The following ARSG variants were observed in gnomAD, a reference collection of about 807,000 sequenced individuals.
The protein encoded by ARSG is ASG.
ARSG carries 37 observed loss-of-function variants against 50.5 expected under a neutral mutation model. That is an observed-to-expected ratio of 0.73 (90% CI 0.56 to 0.96). The LOEUF (loss-of-function observed/expected upper bound fraction) is 0.96, where lower values mean the gene tolerates loss of function less well. Among genes scored for constraint, ARSG ranks in the 50% least tolerant of loss-of-function variants. ARSG has a pLI of 0.00. For missense variants in ARSG, 629 were observed against 675.3 expected (o/e 0.93, Z 0.76); for synonymous variants, 225 against 254.6 (o/e 0.88, Z 1.11).
At chr17:68,295,501 C>T (rs959328554) in intron 1 of ARSG, among the ~76,000 whole-genome samples, 1 of 151,664 alleles carries the variant, frequency 6.6e-6, no homozygotes, top group Non-Finnish European at 1.5e-5. Flanking sequence ...AACATAGCCT[C>T]CGGGAGGCTT....
intron 4 of ARSG, among the ~76,000 whole-genome samples, chr17:68,350,899 T>G (rs979172736): frequency 6.6e-6 from 1 of 151,758 alleles, no homozygotes; most frequent in Non-Finnish European, 1.5e-5. Flanking sequence ...AGGCTTTGGG[T>G]TTCAATGCTC....
chr17:68,319,437 A>G (rs961888182), intron 2 of ARSG, among the ~76,000 whole-genome samples: 1 of 152,208 alleles, frequency 6.6e-6, no homozygotes, highest in East Asian at 1.9e-4. Context: ...AGTGCTGAAC[A>G]AAAGGGACTT....
rs2144949130 is a variant in ARSG, at chr17:68,271,101, C to T, written c.-552+11675C>T. Reference sequence around the variant, plus strand: ...CAATGTAAATCTTACGAATGGGCTCCCTGTTGAGGACAAAACCAGCTCCGA... The same window carrying T: ...CAATGTAAATCTTACGAATGGGCTCTCTGTTGAGGACAAAACCAGCTCCGA... On this transcript the variant is annotated intron_variant, in intron 1 of 11. Coordinates refer to the ARSG transcript ENST00000448504. The surrounding 1 kb of genome is among the most constrained non-coding windows in gnomAD (Gnocchi z 5.3). 3 of 1,614,114 alleles carry T rather than the reference C, an allele frequency of 1.9e-6. No individual in the cohort carries two copies. The highest frequency in any genetic ancestry group is 1.7e-6 in the Non-Finnish European group (2 of 1,180,024).
intron 1 of ARSG, chr17:68,269,188 C>T: frequency 1.9e-6 from 3 of 1,564,976 alleles, no homozygotes; most frequent in Non-Finnish European, 2.6e-6. Flanking sequence ...AAAGTCTTCC[C>T]ACGATGGCTC....
rs2078386275 is a variant in ARSG, at chr17:68,343,861, A to G, written c.406+70A>G. The G allele has an allele frequency of 8.3e-6, 12 of 1,444,140 alleles. No individual in the cohort carries two copies. In the East Asian group the frequency reaches 2.2e-4, roughly 26 times the overall value. The allele number at this position is 1,444,140 out of a possible 1,614,324, so 89.5% of individuals were successfully genotyped here. On this transcript the variant is annotated intron_variant, in intron 3 of 11. Coordinates refer to ENST00000621439, the MANE Select transcript of ARSG (RefSeq NM_001267727.2). ...GCCGCCTTGTGTTTGCAAATTCCCA[A>G]CATACTCCCTGTCTGCTTTCCTGTT...
chr17:68,449,463 T>G, the ARSG span, among the ~76,000 whole-genome samples: 1 of 152,146 alleles, frequency 6.6e-6, no homozygotes, highest in East Asian at 1.9e-4. Flanking sequence ...TGTAATATGA[T>G]TCAGATCAGT....
chr17:68,341,669 T>A (rs996312462), intron 2 of ARSG, among the ~76,000 whole-genome samples: 2 of 152,242 alleles, frequency 1.3e-5, no homozygotes, highest in Non-Finnish European at 2.9e-5. Context: ...TTGTGCATTG[T>A]TGTGACTTAC....
rs147059351 is a variant in ARSG at position 68,296,414 on chromosome 17, A to C, written c.-552+4846A>C. Among the ~76,000 whole-genome samples the C allele has an allele frequency of 2.2e-4, 34 of 152,288 alleles. 1 individual carries two copies. In the South Asian group the frequency reaches 6.6e-3, roughly 30 times the overall value. On this transcript the variant is annotated intron_variant, in intron 1 of 11. Coordinates refer to ENST00000621439, the MANE Select transcript of ARSG (RefSeq NM_001267727.2). ...CTGTGTTTCTAGATTCCCAGGAACA[A>C]TAGGCAATGTTAAGCTTCCATTTTA...
upstream of ARSG, among the ~76,000 whole-genome samples, chr17:68,289,924 G>A (rs2075930832): frequency 6.6e-6 from 1 of 152,198 alleles, no homozygotes; most frequent in Non-Finnish European, 1.5e-5. Flanking sequence ...CCTTAATTAT[G>A]AGAAGAGGGG....
At position 68,271,398 on chromosome 17, in the gene ARSG, G is replaced by A. The variant is rs782735791; in HGVS notation, c.-552+11972G>A. ...CCTTCGGCTCCAGTTCCAGGTTAGTGTGAGTAGGCACATTTTTAGGTGAGG... is the reference window on the plus strand; with the variant it reads ...CCTTCGGCTCCAGTTCCAGGTTAGTATGAGTAGGCACATTTTTAGGTGAGG... On this transcript the variant is annotated intron_variant, in intron 1 of 11. Coordinates refer to the ARSG transcript ENST00000448504. The surrounding 1 kb of genome is among the most constrained non-coding windows in gnomAD (Gnocchi z 5.3). 2 of 1,614,152 alleles carry A rather than the reference G, an allele frequency of 1.2e-6. No homozygotes were observed. Among genetic ancestry groups the A allele is most frequent in the Non-Finnish European group, 1.7e-6 (2 of 1,180,062 alleles).
chr17:68,260,964 CT>C (rs1341292158), intron 1 of ARSG, among the ~76,000 whole-genome samples: 11 of 152,180 alleles, frequency 7.2e-5, no homozygotes, highest in Admixed American at 3.9e-4. Flanking sequence ...CCACTGTTTT[CT>C]TTAGTGTCTG....
At position 68,420,183 on chromosome 17, in the gene ARSG, C is replaced by T; in HGVS notation, c.1304-6C>T. The T allele has an allele frequency of 3.7e-6, 6 of 1,613,588 alleles. No homozygotes were observed. The highest frequency in any genetic ancestry group is 5.1e-6 in the Non-Finnish European group (6 of 1,179,852). On this transcript the variant is annotated splice_region_variant and splice_polypyrimidine_tract_variant and intron_variant, in intron 11 of 11. Transcript: ENST00000621439. ...AGCGAGGCATTTGTTGTCATTCCCT[C>T]TCTAGGTGGAGCCAGGGCGTGTGAT...
At chr17:68,446,269 C>T in the ARSG span, among the ~76,000 whole-genome samples, 2 of 152,174 alleles carry the variant, frequency 1.3e-5, no homozygotes, top group South Asian at 2.1e-4. Context: ...TAGCCTCAAC[C>T]TCTGGGGCTC....
chr17:68,389,547 T>G (rs1376778056), intron 9 of ARSG, among the ~76,000 whole-genome samples: 1 of 151,768 alleles, frequency 6.6e-6, no homozygotes, highest in African/African-American at 2.4e-5. Context: ...AGAAAGAAAT[T>G]TACAACTCAG....
the ARSG span, chr17:68,444,741 G>A: frequency 1.7e-6 from 1 of 585,130 alleles, no homozygotes; most frequent in African/African-American, 1.9e-5. Context: ...GTTTATGGAT[G>A]TACACACATA....
chr17:68,274,215 C>CAA, intron 1 of ARSG: 1 of 803,146 alleles, frequency 1.2e-6, no homozygotes, highest in Non-Finnish European at 1.9e-6. Context: ...CCTGTAATCC[C>CAA]AGCACTTTGG....
the ARSG span, chr17:68,436,383 A>G: frequency 6.2e-7 from 1 of 1,613,636 alleles, no homozygotes; most frequent in Non-Finnish European, 8.5e-7. Flanking sequence ...TCAACTTACC[A>G]GGGAGTTTCC....
At chr17:68,409,439 C>G (rs978555963) in intron 11 of ARSG, among the ~76,000 whole-genome samples, 4 of 150,512 alleles carry the variant, frequency 2.7e-5, no homozygotes, top group African/African-American at 9.7e-5. Context: ...TGTAGATATG[C>G]GGCGTTATTC....
chr17:68,434,604 G>A, the ARSG span: 57 of 1,614,074 alleles, frequency 3.5e-5, no homozygotes, highest in Non-Finnish European at 4.5e-5. Flanking sequence ...ATCAGGGACA[G>A]AGAACACCCG....
Sources: allele counts gnomAD v4.1 joint callset (sites outside exome capture counted in the v4.1 genomes callset), GRCh38; gene constraint gnomAD v4.1.1; non-coding constraint Gnocchi (gnomAD v3.1); transcripts MANE v1.5; gene names NCBI Gene and HGNC (gene_info 2026-07-23, HGNC 2026-07-21).